Variants in JAG2 observed in about 807,000 individuals in gnomAD.
The protein encoded by JAG2 is protein jagged-2.
In JAG2, 46 loss-of-function variants were observed where a neutral mutation model predicts 141.7. The ratio of observed to expected loss-of-function variants is 0.32; its 90% CI spans 0.26 to 0.42. The LOEUF (loss-of-function observed/expected upper bound fraction) is 0.42, where lower values mean the gene tolerates loss of function less well. Ranked by LOEUF, JAG2 falls within the 10% of genes least tolerant of loss-of-function variation. The pLI, the probability that JAG2 is intolerant of heterozygous loss-of-function variation, is 1.00. For synonymous variants in JAG2, 862 were observed against 763.5 expected (o/e 1.13, Z -2.13); for missense variants, 1,500 against 1,817.5 (o/e 0.83, Z 3.18).
intron 18 of JAG2, 91 bp downstream of exon 18, chr14:105,147,681 G>T: frequency 2.7e-6 from 3 of 1,093,162 alleles, no homozygotes; most frequent in Non-Finnish European, 4.1e-6. Context: ...AGGGGGAGGG[G>T]CTGGCAGAAG....
intron 2 of JAG2, among the ~76,000 whole-genome samples, chr14:105,159,312 G>T (rs985612235): frequency 5.3e-5 from 8 of 151,950 alleles, no homozygotes; most frequent in Non-Finnish European, 1.0e-4. Flanking sequence ...GGATGGAAGT[G>T]GGGGGCCATC....
Position 105,148,137 on chromosome 14 carries a change from T to G in JAG2, c.2227A>C (p.Lys743Gln). Residue 743 changes from lysine to glutamine, a missense_variant, in exon 17 of 26, where the codon AAG becomes CAG. Around this residue, in one of 3 missense-constraint regions of JAG2, gnomAD observed 875 missense variants for 1,202.2 expected, o/e 0.73. Transcript: ENST00000331782. ...TCACCGACGGCGCAGGTGCTGCCCT[T>G]CCAGCCGGGGGGGCAGGCGCAGCGG... ...TFRCACPPGWKGSTCAVAKNS... is the reference protein window; with the variant it reads ...TFRCACPPGWQGSTCAVAKNS... 1 of 1,548,812 alleles carries G rather than the reference T, an allele frequency of 6.5e-7. No individual in the cohort carries two copies. The highest frequency in any genetic ancestry group is 1.2e-5 in the South Asian group (1 of 84,008).
chr14:105,142,267 C>T lies in JAG2; in HGVS notation c.*428G>A, dbSNP rs929483493. 2.5e-4 allele frequency: 44 copies of T among 173,818 alleles called. No homozygotes were observed. The highest frequency in any genetic ancestry group is 1.8e-4 in the Non-Finnish European group (15 of 81,726). 10.8% of individuals were successfully genotyped at this position (173,818 alleles called of 1,614,324 possible). On this transcript the variant is annotated 3_prime_UTR_variant, in exon 26 of 26. Transcript: ENST00000331782. ...GCCACACCATCAGCCACGGGTCCCA[C>T]CAACAGCCATGGGCCACACCAACAC...
intron 2 of JAG2, among the ~76,000 whole-genome samples, chr14:105,162,273 C>T (rs953873882): frequency 2.6e-5 from 4 of 152,020 alleles, no homozygotes; most frequent in Non-Finnish European, 4.4e-5. Context: ...CCTACAAGCC[C>T]GGCCTGACCC....
At chr14:105,149,682 G>A (rs914392899) in intron 12 of JAG2, among the ~76,000 whole-genome samples, 19 of 149,952 alleles carry the variant, frequency 1.3e-4, no homozygotes, top group African/African-American at 4.4e-4. Context: ...GCCAGCCACT[G>A]CCATGCTTGC....
chr14:105,143,361 C>T, intron 25 of JAG2, 121 bp downstream of exon 25: 1 of 1,327,598 alleles, frequency 7.5e-7, no homozygotes, highest in Non-Finnish European at 1.0e-6. Flanking sequence ...GCTGGGGCAG[C>T]AGGTGCCAGG....
chr14:105,146,831 G>C (rs1204209701), intron 20 of JAG2, 107 bp from the exon 21 acceptor site: 3 of 890,226 alleles, frequency 3.4e-6, no homozygotes, highest in Admixed American at 4.0e-5. Flanking sequence ...GCAAGCCCCA[G>C]GACAATGAGG....
chr14:105,163,511 C>T lies in JAG2; in HGVS notation c.417+4246G>A, dbSNP rs138533255. On this transcript the variant is annotated intron_variant, in intron 2 of 25. Coordinates refer to ENST00000331782, the MANE Select transcript of JAG2 (RefSeq NM_002226.5). ...CAGGGTACAACTGATGCCAGCCACACCCTGCTCAGGCCTGGGATGTGGGGA... is the reference window on the plus strand; with the variant it reads ...CAGGGTACAACTGATGCCAGCCACATCCTGCTCAGGCCTGGGATGTGGGGA... 2.6e-5 allele frequency among the ~76,000 whole-genome samples: 4 copies of T among 152,346 alleles called. No individual in the cohort carries two copies. The East Asian group carries it at 7.7e-4, about 29-fold the overall frequency.
rs779717936 is a variant in JAG2, at chr14:105,157,710, C to A, written c.471G>T (p.Pro157=). The change falls in exon 3 of 26, where the codon CCG becomes CCT. Residue 157 remains proline (P), a synonymous_variant. Transcript: ENST00000331782. ...CCTGGCCCAGGGCTCACTCACCATT[C>A]GGGGTGGTATCGTTGTCCCAGTCCC... is the stretch of plus-strand genomic sequence containing the variant. ...EAWDWDNDTT[P]NEELLIERVS... The A allele has an allele frequency of 2.9e-5, 46 of 1,564,130 alleles. No homozygotes were observed. Among genetic ancestry groups the A allele is most frequent in the Admixed American group, 1.3e-4 (7 of 53,180 alleles).
chr14:105,149,492 C>A (rs1012435848), intron 12 of JAG2, among the ~76,000 whole-genome samples, 172 bp from the exon 13 acceptor site: 8 of 151,972 alleles, frequency 5.3e-5, no homozygotes, highest in Non-Finnish European at 8.8e-5. Flanking sequence ...ACTGCCCAGG[C>A]CTTAGCTGAA....
chr14:105,163,805 C>T (rs1360807938), intron 2 of JAG2, among the ~76,000 whole-genome samples: 1 of 151,120 alleles, frequency 6.6e-6, no homozygotes, highest in Non-Finnish European at 1.5e-5. Context: ...AGGGGCCCCA[C>T]TCAGGCCTGG....
chr14:105,149,810 TGG>T (rs1723386466), intron 12 of JAG2, among the ~76,000 whole-genome samples: 1 of 52,882 alleles, frequency 1.9e-5, no homozygotes, highest in Non-Finnish European at 4.0e-5. Context: ...GGGAGGTGGG[TGG>T]GGGGAGGCAG....
intron 20 of JAG2, 148 bp downstream of exon 20, chr14:105,147,178 C>T (rs1888250458): frequency 2.8e-6 from 2 of 705,262 alleles, no homozygotes; most frequent in Non-Finnish European, 5.0e-6. Flanking sequence ...AGGGCACAGA[C>T]ATGTGGGGAA....
At chr14:105,162,338 G>T (rs1246164808) in intron 2 of JAG2, among the ~76,000 whole-genome samples, 1 of 150,090 alleles carries the variant, frequency 6.7e-6, no homozygotes, top group Non-Finnish European at 1.5e-5. Flanking sequence ...CCATCTGATT[G>T]CCTCCTCCCC....
chr14:105,163,107 C>T (rs1888806423), intron 2 of JAG2, among the ~76,000 whole-genome samples: 2 of 152,210 alleles, frequency 1.3e-5, no homozygotes, highest in South Asian at 2.1e-4. Flanking sequence ...GGTTTCTTCT[C>T]CTCGGCCTCC....
intron 22 of JAG2, 42 bp downstream of exon 22, chr14:105,146,343 C>G: frequency 6.5e-7 from 1 of 1,545,434 alleles, no homozygotes; most frequent in Non-Finnish European, 8.9e-7. Flanking sequence ...TCAGCGTGCA[C>G]CAGCCTCGGG....
Position 105,167,859 on chromosome 14 carries a change from C to T in JAG2, c.315G>A (p.Leu105=). 1 of 1,543,144 alleles carries T rather than the reference C, an allele frequency of 6.5e-7. No individual in the cohort carries two copies. Among genetic ancestry groups the T allele is most frequent in the Non-Finnish European group, 8.7e-7 (1 of 1,153,994 alleles). Residue 105 remains leucine, a synonymous_variant, in exon 2 of 26, where the codon CTG becomes CTA. Coordinates refer to ENST00000331782, the MANE Select transcript of JAG2 (RefSeq NM_002226.5). This position sits in a 1 kb window ranked among gnomAD's most constrained non-coding sequence, Gnocchi z 4.8. ...GGTCCCCCGCAGCGCCCGCCGGCGG[C>T]AGGTAGAAGGAGTTGCCGCCCAGCA... ...TPVLGGNSFY[L]PPAGAAGDRA...
chr14:105,160,600 C>T (rs1457123274), intron 2 of JAG2, among the ~76,000 whole-genome samples: 12 of 151,976 alleles, frequency 7.9e-5, no homozygotes, highest in African/African-American at 2.9e-4. Context: ...CAGTGGCTCA[C>T]GCCTGTAATC....
intron 8 of JAG2, 23 bp downstream of exon 8, chr14:105,151,603 C>G: frequency 6.4e-7 from 1 of 1,565,568 alleles, no homozygotes; most frequent in Non-Finnish European, 8.7e-7. Flanking sequence ...GCAGGAGTCC[C>G]CTACTCACGT....
Sources: gnomAD v4.1 joint callset for allele counts (sites outside exome capture counted in the v4.1 genomes callset) on GRCh38, gnomAD v4.1.1 for gene constraint, gnomAD v4.1.1 regional missense constraint, Gnocchi (gnomAD v3.1) non-coding constraint, MANE v1.5 for transcripts, NCBI Gene and HGNC (gene_info 2026-07-23, HGNC 2026-07-21) for gene names.